CASP10: variants seen among roughly 807,000 people sequenced by gnomAD.
CASP10 encodes caspase-10.
Under a neutral mutation model 48.5 loss-of-function variants are expected in CASP10, and 41 were observed. The ratio of observed to expected loss-of-function variants is 0.85; its 90% CI spans 0.66 to 1.10. CASP10 has a LOEUF of 1.10. Among genes scored for constraint, CASP10 ranks in the 50% least tolerant of loss-of-function variants. The probability of loss-of-function intolerance (pLI) is 0.00; values close to 1 mark genes in which losing one functional copy is unlikely to be tolerated. For missense variants in CASP10, 614 were observed against 614.5 expected (o/e 1.00, Z 0.01); for synonymous variants, 232 against 238.4 (o/e 0.97, Z 0.25).
chr2:201,208,723 G>T (rs1576124763), intron 8 of CASP10, among the ~76,000 whole-genome samples: 1 of 152,166 alleles, frequency 6.6e-6, no homozygotes, highest in Middle Eastern at 3.4e-3. Flanking sequence ...CTGTTGCCCA[G>T]GCTGGAGTGC....
At position 201,185,972 on chromosome 2, in the gene CASP10, C is replaced by A; in HGVS notation, c.195C>A (p.Leu65=). ...SSSASDVFEH[L]LAEDLLSEED... is the part of the protein sequence containing the mutation. Reference sequence around the variant, plus strand: ...CAGCCTCAGATGTTTTTGAACATCTCTTGGCAGAGGATCTGCTGAGTGAGG... The same window carrying A: ...CAGCCTCAGATGTTTTTGAACATCTATTGGCAGAGGATCTGCTGAGTGAGG... The change falls in exon 2 of 10, where the codon CTC becomes CTA. Residue 65 remains leucine (L), a synonymous_variant. Coordinates refer to ENST00000286186, the MANE Select transcript of CASP10 (RefSeq NM_032977.4). 1 of 1,613,988 alleles carries A rather than the reference C, an allele frequency of 6.2e-7. No individual in the cohort carries two copies. Among genetic ancestry groups the A allele is most frequent in the South Asian group, 1.1e-5 (1 of 91,070 alleles).
At chr2:201,199,005 C>G (rs1270438380) in intron 5 of CASP10, among the ~76,000 whole-genome samples, 1 of 152,020 alleles carries the variant, frequency 6.6e-6, no homozygotes, top group Non-Finnish European at 1.5e-5. Context: ...CTAGATTTAC[C>G]TACCTGTTGT....
intron 5 of CASP10, among the ~76,000 whole-genome samples, chr2:201,203,468 G>A (rs943905541): frequency 3.3e-5 from 5 of 151,932 alleles, no homozygotes; most frequent in Admixed American, 2.6e-4. Context: ...TACCACACCC[G>A]GCTAATTTTT....
chr2:201,202,985 C>T (rs896924811), intron 5 of CASP10, among the ~76,000 whole-genome samples: 23 of 152,094 alleles, frequency 1.5e-4, no homozygotes, highest in East Asian at 3.9e-4. Context: ...AAAAATCCAA[C>T]GTATATCTTC....
chr2:201,209,384 G>A lies in CASP10; in HGVS notation c.1237G>A (p.Glu413Lys), dbSNP rs780430275. 17 of 1,614,104 alleles carry A rather than the reference G, an allele frequency of 1.1e-5. No individual in the cohort carries two copies. Among genetic ancestry groups the A allele is most frequent in the Non-Finnish European group, 1.1e-5 (13 of 1,180,022 alleles). ...GEEIQPSVSI[E>K]ADALNPEQAP... is the part of the protein sequence containing the mutation. The stretch of plus-strand genomic sequence containing the variant: ...AGAGATACAGCCTTCCGTATCCATC[G>A]AAGCAGATGCTCTGAACCCTGAGCA... Residue 413 changes from glutamate (E) to lysine (K), a missense_variant, in exon 9 of 10, where the codon GAA (glutamate) becomes AAA (lysine). Transcript: ENST00000286186.
chr2:201,204,748 T>C (rs1576115311), intron 6 of CASP10, among the ~76,000 whole-genome samples: 2 of 152,222 alleles, frequency 1.3e-5, no homozygotes, highest in Non-Finnish European at 2.9e-5. Context: ...GGTGACTGCT[T>C]CACCCCTCTG....
At chr2:201,210,686 A>C (rs1354270040) in intron 9 of CASP10, among the ~76,000 whole-genome samples, 1 of 152,190 alleles carries the variant, frequency 6.6e-6, no homozygotes, top group Non-Finnish European at 1.5e-5. Context: ...CTATGGCTTC[A>C]GGAACAAGGC....
rs186184377 is a variant in CASP10 at position 201,215,180 on chromosome 2, T to C, written c.1416-2408T>C. Among the ~76,000 whole-genome samples the C allele has an allele frequency of 3.1e-4, 47 of 151,822 alleles. No individual in the cohort carries two copies. The East Asian group carries it at 6.0e-3, about 19-fold the overall frequency. ...GTGAGATGTATAATTTGCAAATTTT[T>C]TTCCTATTTTGTAGGTTGTCTCTTC... On this transcript the variant is annotated intron_variant, in intron 9 of 9. Coordinates refer to ENST00000286186, the MANE Select transcript of CASP10 (RefSeq NM_032977.4).
At chr2:201,183,470 C>T (rs985041594) in intron 1 of CASP10, among the ~76,000 whole-genome samples, 162 bp downstream of exon 1, 8 of 152,052 alleles carry the variant, frequency 5.3e-5, no homozygotes, top group Admixed American at 1.3e-4. Flanking sequence ...TTAAAAAATC[C>T]GGAAGCCTCC....
rs192994987 is a variant in CASP10 at position 201,207,888 on chromosome 2, C to T, written c.814-187C>T. Among the ~76,000 whole-genome samples, 979 of 152,166 alleles carry T rather than the reference C, an allele frequency of 6.4e-3. 6 individuals are homozygous for T. The highest frequency in any genetic ancestry group is 9.3e-3 in the Non-Finnish European group (631 of 68,004). On this transcript the variant is annotated intron_variant, in intron 7 of 9. Coordinates refer to ENST00000286186, the MANE Select transcript of CASP10 (RefSeq NM_032977.4). ...TCCAGCCTGGGCAACAAGAGTGAGA[C>T]TCCATCTCAAAACAACAACAACAGC...
intron 9 of CASP10, among the ~76,000 whole-genome samples, chr2:201,216,957 C>G (rs796392546): frequency 2.0e-5 from 3 of 152,324 alleles, no homozygotes; most frequent in African/African-American, 7.2e-5. Context: ...CTCTCCCTCC[C>G]AACCAGAAAT....
At position 201,218,398 on chromosome 2, in the gene CASP10, G is replaced by C. The variant is rs886055408; in HGVS notation, c.*657G>C. 2 of 882,634 alleles carry C rather than the reference G, an allele frequency of 2.3e-6. No homozygotes were observed. The highest frequency in any genetic ancestry group is 2.7e-6 in the Non-Finnish European group (2 of 736,174). The allele number at this position is 882,634 out of a possible 1,614,324, so 54.7% of individuals were successfully genotyped here. A position where few individuals can be genotyped will look rare whatever the true frequency, so the allele number is the denominator to read the frequency against. On this transcript the variant is annotated 3_prime_UTR_variant, in exon 10 of 10. Transcript: ENST00000286186. ...GTTCACTGCAGCCTTGACCTCCCAG[G>C]TTCAAGCGATCCTCCCACCTCAGCC...
intron 5 of CASP10, among the ~76,000 whole-genome samples, chr2:201,201,943 C>G (rs1945034139): frequency 6.6e-6 from 1 of 152,150 alleles, no homozygotes. Context: ...TTCAGCCTCC[C>G]AGGTTCAAGT....
intron 4 of CASP10, 74 bp from the exon 5 acceptor site, chr2:201,195,768 C>G: frequency 8.4e-7 from 1 of 1,189,166 alleles, no homozygotes; most frequent in Non-Finnish European, 1.3e-6. Context: ...ACCTCCGCCT[C>G]CTGGGTTCAA....
chr2:201,187,340 G>A (rs1576065137), intron 2 of CASP10, among the ~76,000 whole-genome samples: 1 of 152,044 alleles, frequency 6.6e-6, no homozygotes, highest in African/African-American at 2.4e-5. Flanking sequence ...CTGGCCTGGG[G>A]TCCTATCTAC....
At position 201,218,247 on chromosome 2, in the gene CASP10, G is replaced by A; in HGVS notation, c.*506G>A. 1 of 1,012,032 alleles carries A rather than the reference G, an allele frequency of 9.9e-7. No homozygotes were observed. 62.7% of individuals were successfully genotyped at this position (1,012,032 alleles called of 1,614,324 possible). On this transcript the variant is annotated 3_prime_UTR_variant, in exon 10 of 10. Transcript: ENST00000286186. Reference sequence around the variant, plus strand: ...GAAAACTTTCATTATTGAAGACTTGGATTGTAGCCTTGGTTTTGGATGTCT... The same window carrying A: ...GAAAACTTTCATTATTGAAGACTTGAATTGTAGCCTTGGTTTTGGATGTCT...
downstream of CASP10, among the ~76,000 whole-genome samples, chr2:201,224,802 T>C (rs1050348038): frequency 2.6e-5 from 4 of 152,212 alleles, no homozygotes; most frequent in Non-Finnish European, 5.9e-5. Context: ...TAAGGGAATT[T>C]TATTTGATAA....
intron 9 of CASP10, chr2:201,214,876 G>C (rs755726487): frequency 1.3e-5 from 2 of 152,066 alleles, no homozygotes; most frequent in Non-Finnish European, 2.9e-5. Flanking sequence ...ATGATATTAG[G>C]TGGGACTGAT....
intron 9 of CASP10, chr2:201,214,199 T>C (rs528344166): frequency 6.6e-6 from 1 of 152,286 alleles, no homozygotes; most frequent in South Asian, 2.1e-4. Context: ...GGGATCCCAC[T>C]AGTGTGTAAA....
Sources: allele counts gnomAD v4.1 joint callset (sites outside exome capture counted in the v4.1 genomes callset), GRCh38; gene constraint gnomAD v4.1.1; transcripts MANE v1.5; gene names NCBI Gene and HGNC (gene_info 2026-07-23, HGNC 2026-07-21).